The following PDCD6IP variants were observed in gnomAD, a reference collection of about 807,000 sequenced individuals.
PDCD6IP encodes programmed cell death 6 interacting protein, also known as programmed cell death 6-interacting protein.
PDCD6IP carries 43 observed loss-of-function variants against 103.7 expected under a neutral mutation model. That is an observed-to-expected ratio of 0.41 (90% confidence interval 0.32 to 0.53). The LOEUF (loss-of-function observed/expected upper bound fraction) is 0.53. Among genes scored for constraint, PDCD6IP ranks in the 20% least tolerant of loss-of-function variants. PDCD6IP has a pLI of 0.16. For missense variants in PDCD6IP, 871 were observed against 1,036.7 expected (o/e 0.84, Z 2.20); for synonymous variants, 354 against 378.7 (o/e 0.93, Z 0.76).
intron 6 of PDCD6IP, 168 bp downstream of exon 6, chr3:33,826,748 G>C (rs1697136021): frequency 1.5e-6 from 2 of 1,323,158 alleles, no homozygotes; most frequent in Non-Finnish European, 9.8e-7. Context: ...TAAGATGCAT[G>C]AACAATTCTT....
chr3:33,815,473 A>AT (rs1435347282), intron 3 of PDCD6IP, among the ~76,000 whole-genome samples: 1 of 152,140 alleles, frequency 6.6e-6, no homozygotes, highest in Non-Finnish European at 1.5e-5. Context: ...AGATTACGTG[A>AT]TTTTCTGAAG....
Position 33,798,920 on chromosome 3 carries a change from G to T in PDCD6IP, c.192G>T (p.Ala64=). 6.5e-7 allele frequency: 1 copy of T among 1,539,436 alleles called. No individual in the cohort carries two copies. The highest frequency in any genetic ancestry group is 2.5e-5 in the East Asian group (1 of 40,562). ...VGRPLDKHEG[A]LETLLRYYDQ... ...GTCCGCTGGACAAGCACGAGGGCGC[G>T]CTCGAGACGCTCCTGAGGTGGGCGC... The change falls in exon 1 of 18, where the codon GCG becomes GCT. Residue 64 remains alanine (A), a synonymous_variant. Coordinates refer to ENST00000307296, the MANE Select transcript of PDCD6IP (RefSeq NM_013374.6).
At chr3:33,837,884 G>A (rs1414395025) in intron 8 of PDCD6IP, among the ~76,000 whole-genome samples, 1 of 152,106 alleles carries the variant, frequency 6.6e-6, no homozygotes, top group Non-Finnish European at 1.5e-5. Flanking sequence ...CACTGCTCCC[G>A]GCCCCTCATT....
chr3:33,824,393 G>A (rs1411116492), intron 4 of PDCD6IP, among the ~76,000 whole-genome samples: 1 of 152,166 alleles, frequency 6.6e-6, no homozygotes. Context: ...GAGCAGCTGG[G>A]ATTACAAGTG....
intron 14 of PDCD6IP, among the ~76,000 whole-genome samples, chr3:33,854,456 ATATG>A (rs1206170502): frequency 2.6e-5 from 4 of 152,172 alleles, no homozygotes; most frequent in African/African-American, 9.7e-5. Flanking sequence ...GGCTTACTGA[ATATG>A]TAAGTACTTT....
chr3:33,835,167 T>A, intron 7 of PDCD6IP: 3 of 453,898 alleles, frequency 6.6e-6, no homozygotes, highest in South Asian at 4.7e-5. Context: ...CTTATGTTCA[T>A]TTTTTTATAA....
intron 11 of PDCD6IP, 92 bp downstream of exon 11, chr3:33,844,315 A>T (rs568161366): frequency 4.4e-5 from 27 of 617,576 alleles, no homozygotes; most frequent in South Asian, 2.6e-4. Context: ...TTGTAAATTC[A>T]TTTTTACCGA....
intron 9 of PDCD6IP, among the ~76,000 whole-genome samples, chr3:33,838,533 G>A (rs898684158): frequency 1.3e-5 from 2 of 151,792 alleles, no homozygotes; most frequent in African/African-American, 4.8e-5. Context: ...AACAAGGTGA[G>A]GATATGAGGA....
At chr3:33,851,854 G>C (rs1490553237) in intron 12 of PDCD6IP, among the ~76,000 whole-genome samples, 1 of 152,076 alleles carries the variant, frequency 6.6e-6, no homozygotes, top group Non-Finnish European at 1.5e-5. Flanking sequence ...ACTTATATCT[G>C]TATCTTTCTC....
In PDCD6IP at chr3:33,836,216, C is replaced by T; in HGVS notation, c.1007C>T (p.Thr336Ile). 1 of 1,613,470 alleles carries T rather than the reference C, an allele frequency of 6.2e-7. No individual in the cohort carries two copies. The highest frequency in any genetic ancestry group is 1.7e-5 in the Admixed American group (1 of 60,024). Residue 336 changes from threonine to isoleucine, a missense_variant, in exon 8 of 18, where the codon ACA becomes ATA. Physicochemically the swap from Thr to Ile is moderately conservative, Grantham distance 89. This residue lies in a region of PDCD6IP where 242 missense variants were observed against 250.7 expected (regional missense o/e 0.97). Transcript: ENST00000307296. ...LKDLDPIGKA[T>I]LVKSTPVNVP... ...GATCTAGATCCTATTGGCAAAGCCACACTTGTGAAATCTACCCCGGTCAAT... is the reference window on the plus strand; with the variant it reads ...GATCTAGATCCTATTGGCAAAGCCATACTTGTGAAATCTACCCCGGTCAAT...
At chr3:33,819,909 A>G (rs116236520) in intron 3 of PDCD6IP, among the ~76,000 whole-genome samples, 9,253 of 152,298 alleles carry the variant, frequency 0.061, 350 homozygotes, top group Non-Finnish European at 0.088. Flanking sequence ...CTTCAGTGGT[A>G]TTAAGTACAT....
rs1208483290 is a variant in PDCD6IP at position 33,867,072 on chromosome 3, C to T, written c.*547C>T. ...CTAATTTTTTTTCTGGTATTAGTCT[C>T]ATTTTGTATGTATATAAGTTAAACA... On this transcript the variant is annotated 3_prime_UTR_variant, in exon 18 of 18. Coordinates refer to ENST00000307296, the MANE Select transcript of PDCD6IP (RefSeq NM_013374.6). 6.6e-6 allele frequency: 1 copy of T among 151,960 alleles called. No individual in the cohort carries two copies. The highest frequency in any genetic ancestry group is 2.4e-5 in the African/African-American group (1 of 41,370). 9.4% of individuals were successfully genotyped at this position (151,960 alleles called of 1,614,324 possible). A position where few individuals can be genotyped will look rare whatever the true frequency, so the allele number is the denominator to read the frequency against.
intron 9 of PDCD6IP, among the ~76,000 whole-genome samples, chr3:33,839,432 A>G (rs1559788357): frequency 6.6e-6 from 1 of 151,922 alleles, no homozygotes; most frequent in Non-Finnish European, 1.5e-5. Flanking sequence ...AGTCTTTTCT[A>G]TGGCTGAGCA....
chr3:33,817,221 C>T (rs1696873826), intron 3 of PDCD6IP, among the ~76,000 whole-genome samples: 1 of 152,166 alleles, frequency 6.6e-6, no homozygotes, highest in African/African-American at 2.4e-5. Context: ...ATACAGAACT[C>T]AGAGTAATTC....
chr3:33,850,549 T>C (rs1697691499), intron 12 of PDCD6IP, among the ~76,000 whole-genome samples: 1 of 152,134 alleles, frequency 6.6e-6, no homozygotes, highest in African/African-American at 2.4e-5. Context: ...AAATTATGCA[T>C]ACATATGTAT....
chr3:33,812,493 G>A (rs1040413173), intron 2 of PDCD6IP, among the ~76,000 whole-genome samples: 8 of 152,126 alleles, frequency 5.3e-5, no homozygotes, highest in Admixed American at 5.2e-4. Context: ...AAAATTATTC[G>A]CACAAGTTAC....
chr3:33,798,675 C>A lies in PDCD6IP; in HGVS notation c.-54C>A. 6.9e-7 allele frequency: 1 copy of A among 1,441,130 alleles called. No homozygotes were observed. The highest frequency in any genetic ancestry group is 9.3e-7 in the Non-Finnish European group (1 of 1,071,604). 89.3% of individuals were successfully genotyped at this position (1,441,130 alleles called of 1,614,324 possible). A position where few individuals can be genotyped will look rare whatever the true frequency, so the allele number is the denominator to read the frequency against. On this transcript the variant is annotated 5_prime_UTR_variant, in exon 1 of 18. Transcript: ENST00000307296. ...AGCCCAGTACCTCTCTCTCCTCGGC[C>A]CTCGTAAGCTGTCCGCGGTCTGTTT...
At chr3:33,826,745 C>T in intron 6 of PDCD6IP, 165 bp downstream of exon 6, 3 of 1,356,946 alleles carry the variant, frequency 2.2e-6, no homozygotes, top group Non-Finnish European at 2.9e-6. Flanking sequence ...ATTTAAGATG[C>T]ATGAACAATT....
chr3:33,821,499 A>G (rs1696991559), intron 3 of PDCD6IP, among the ~76,000 whole-genome samples: 1 of 151,906 alleles, frequency 6.6e-6, no homozygotes, highest in South Asian at 2.1e-4. Flanking sequence ...ATGTATTTGC[A>G]TGAGGGAGTA....
Sources: gnomAD v4.1 joint callset for allele counts (sites outside exome capture counted in the v4.1 genomes callset) on GRCh38, gnomAD v4.1.1 for gene constraint, gnomAD v4.1.1 regional missense constraint, MANE v1.5 for transcripts, NCBI Gene and HGNC (gene_info 2026-07-23, HGNC 2026-07-21) for gene names.